ERCC6L2: variants seen among roughly 807,000 people sequenced by gnomAD.
ERCC6L2 encodes DNA excision repair protein ERCC-6-like 2.
ERCC6L2 carries 77 observed loss-of-function variants against 132.0 expected under a neutral mutation model. The ratio of observed to expected loss-of-function variants is 0.58; its 90% CI spans 0.49 to 0.71. The LOEUF is 0.71. Ranked by LOEUF, ERCC6L2 falls within the 30% of genes least tolerant of loss-of-function variation. The pLI, the probability that ERCC6L2 is intolerant of heterozygous loss-of-function variation, is 0.00. For synonymous variants in ERCC6L2, 583 were observed against 632.4 expected (o/e 0.92, Z 1.17); for missense variants, 1,542 against 1,837.6 (o/e 0.84, Z 2.94).
intron 16 of ERCC6L2, 132 bp downstream of exon 16, chr9:95,973,220 G>A (rs761839238): frequency 1.3e-5 from 7 of 533,398 alleles, no homozygotes; most frequent in South Asian, 6.4e-5. Context: ...AATAAGGAAC[G>A]GTTGGGTAGC....
At chr9:95,942,952 A>C (rs2132887780) in intron 12 of ERCC6L2, among the ~76,000 whole-genome samples, 1 of 152,318 alleles carries the variant, frequency 6.6e-6, no homozygotes, top group East Asian at 1.9e-4. Flanking sequence ...GTTAACAAAG[A>C]AATGAGAATC....
chr9:95,947,826 T>C (rs1037482853), intron 12 of ERCC6L2, among the ~76,000 whole-genome samples: 2 of 152,166 alleles, frequency 1.3e-5, no homozygotes, highest in African/African-American at 4.8e-5. Flanking sequence ...AGCATATCTC[T>C]TTACAGGATG....
rs1041363332 is a variant in ERCC6L2, at chr9:96,035,594, C to T, written c.*1504-3282C>T. Among the ~76,000 whole-genome samples the T allele has an allele frequency of 3.3e-5, 5 of 152,186 alleles. No homozygotes were observed. In the South Asian group the frequency reaches 6.2e-4, roughly 19 times the overall value. On this transcript the variant is annotated intron_variant and NMD_transcript_variant, in intron 19 of 20. Coordinates refer to the ERCC6L2 transcript ENST00000670016. Reference sequence around the variant, plus strand: ...TCCTCTCTGCTGAAACCTGAACACTCGACAGAATGACCTGCCTGCCTACAG... The same window carrying T: ...TCCTCTCTGCTGAAACCTGAACACTTGACAGAATGACCTGCCTGCCTACAG...
At chr9:95,952,923 A>T (rs1195802178) in intron 12 of ERCC6L2, among the ~76,000 whole-genome samples, 1 of 152,158 alleles carries the variant, frequency 6.6e-6, no homozygotes, top group Non-Finnish European at 1.5e-5. Flanking sequence ...TGGTGTCATG[A>T]TTGAATTGTT....
chr9:95,921,371 C>A (rs942928233), intron 7 of ERCC6L2, 56 bp downstream of exon 7: 1 of 1,405,004 alleles, frequency 7.1e-7, no homozygotes. Flanking sequence ...GTACTCTCTT[C>A]TAGTGTAAAA....
At chr9:96,027,590 C>G (rs1316359013) in intron 19 of ERCC6L2, 1 of 152,340 alleles carries the variant, frequency 6.6e-6, no homozygotes, top group South Asian at 2.1e-4. Context: ...CCGGAAGGAG[C>G]CCAGGCCGCA....
intron 2 of ERCC6L2, among the ~76,000 whole-genome samples, chr9:95,893,220 G>A (rs1405832416): frequency 1.3e-5 from 2 of 152,106 alleles, no homozygotes; most frequent in African/African-American, 4.8e-5. Context: ...TAAGTGTAAT[G>A]CCTAATATAC....
At position 96,004,404 on chromosome 9, in the gene ERCC6L2, G is replaced by A. The variant is rs929465453; in HGVS notation, c.3493-116G>A. 18 of 492,352 alleles carry A rather than the reference G, an allele frequency of 3.7e-5. No individual in the cohort carries two copies. The East Asian group carries it at 1.1e-3, about 31-fold the overall frequency. The allele number at this position is 492,352 out of a possible 1,614,324, so 30.5% of individuals were successfully genotyped here. A position where few individuals can be genotyped will look rare whatever the true frequency, so the allele number is the denominator to read the frequency against. On this transcript the variant is annotated intron_variant, in intron 17 of 18. Transcript: ENST00000653738. ...TATCTTCTGACATTGATTTCAGTTG[G>A]AGAATATGATTTACTTCATTATAAA...
At chr9:95,970,752 A>G in intron 15 of ERCC6L2, 96 bp downstream of exon 15, 3 of 560,968 alleles carry the variant, frequency 5.3e-6, no homozygotes, top group Non-Finnish European at 7.1e-6. Context: ...TATAACCTGT[A>G]AAAAAAAAAA....
intron 18 of ERCC6L2, among the ~76,000 whole-genome samples, chr9:96,010,996 A>G (rs1834008807): frequency 6.6e-6 from 1 of 152,212 alleles, no homozygotes; most frequent in Non-Finnish European, 1.5e-5. Flanking sequence ...CTCACTATCT[A>G]TGACTTTTGT....
At chr9:95,892,119 G>T (rs1435689024) in intron 2 of ERCC6L2, among the ~76,000 whole-genome samples, 2 of 151,906 alleles carry the variant, frequency 1.3e-5, no homozygotes, top group South Asian at 2.1e-4. Flanking sequence ...TAAAAAATAG[G>T]ACTATTATTT....
intron 4 of ERCC6L2, among the ~76,000 whole-genome samples, chr9:95,907,873 C>T (rs77230867): frequency 2.4e-5 from 1 of 40,894 alleles, no homozygotes; most frequent in Non-Finnish European, 5.2e-5. Flanking sequence ...ACCCACACAC[C>T]CACTGTAGCA....
At chr9:96,038,856 T>C (rs1480203622) in intron 19 of ERCC6L2, 2 of 456,300 alleles carry the variant, frequency 4.4e-6, no homozygotes, top group Non-Finnish European at 8.8e-6. Context: ...GCAGTAACAA[T>C]GTGTGACTTC....
chr9:95,890,584 A>G (rs1189416330), intron 2 of ERCC6L2, among the ~76,000 whole-genome samples: 1 of 152,226 alleles, frequency 6.6e-6, no homozygotes, highest in Non-Finnish European at 1.5e-5. Context: ...CATAATTTGC[A>G]AAAGCTACTT....
intron 11 of ERCC6L2, among the ~76,000 whole-genome samples, chr9:95,939,659 C>G (rs909993949): frequency 1.3e-5 from 2 of 151,946 alleles, no homozygotes; most frequent in Non-Finnish European, 2.9e-5. Context: ...TCTTTATATC[C>G]ATTTTTGTTT....
chr9:95,904,370 T>C (rs937232505), intron 3 of ERCC6L2, among the ~76,000 whole-genome samples: 1 of 152,106 alleles, frequency 6.6e-6, no homozygotes, highest in African/African-American at 2.4e-5. Flanking sequence ...ATCAATTGAA[T>C]ACCTTCTATT....
At chr9:95,899,153 T>G (rs993245830) in intron 3 of ERCC6L2, among the ~76,000 whole-genome samples, 3 of 151,946 alleles carry the variant, frequency 2.0e-5, no homozygotes, top group Non-Finnish European at 4.4e-5. Flanking sequence ...TTTAAAATAT[T>G]ATAGAACAAG....
At chr9:95,906,740 G>A (rs892306126) in intron 3 of ERCC6L2, 7 of 461,700 alleles carry the variant, frequency 1.5e-5, no homozygotes, top group Non-Finnish European at 2.6e-5. Context: ...GGCCTTTGAA[G>A]CTATTACTGG....
intron 11 of ERCC6L2, among the ~76,000 whole-genome samples, chr9:95,940,705 T>C (rs1402579748): frequency 1.3e-5 from 2 of 152,054 alleles, no homozygotes; most frequent in Admixed American, 6.6e-5. Context: ...GTGAATGTTC[T>C]ATAGGAACCA....
Sources: allele counts gnomAD v4.1 joint callset (sites outside exome capture counted in the v4.1 genomes callset), GRCh38; gene constraint gnomAD v4.1.1; transcripts MANE v1.5; gene names NCBI Gene and HGNC (gene_info 2026-07-23, HGNC 2026-07-21).